The following CDK13 variants were observed in gnomAD, a reference collection of about 807,000 sequenced individuals.
CDK13 encodes cyclin-dependent kinase 13.
Under a neutral mutation model 137.6 loss-of-function variants are expected in CDK13, and 40 were observed. The observed-to-expected ratio is 0.29, with a 90% CI of 0.23 to 0.38. The LOEUF (loss-of-function observed/expected upper bound fraction) is 0.38, where lower values mean the gene tolerates loss of function less well. Ranked by LOEUF, CDK13 falls within the 10% of genes least tolerant of loss-of-function variation. CDK13 has a pLI of 1.00. For synonymous variants in CDK13, 869 were observed against 760.1 expected (o/e 1.14, Z -2.36); for missense variants, 1,704 against 1,951.8 (o/e 0.87, Z 2.39).
intron 9 of CDK13, chr7:40,067,764 A>G (rs1483922988): frequency 1.3e-5 from 2 of 151,960 alleles, no homozygotes; most frequent in African/African-American, 4.8e-5. Context: ...TGCCTGGCCA[A>G]CATGGTGAAC....
intron 11 of CDK13, among the ~76,000 whole-genome samples, chr7:40,083,865 TATA>T (rs1363022304): frequency 2.6e-5 from 4 of 151,714 alleles, no homozygotes; most frequent in Non-Finnish European, 5.9e-5. Context: ...TTATAAACAA[TATA>T]ATATAATATC....
At chr7:40,035,109 G>C (rs1301621966) in intron 5 of CDK13, among the ~76,000 whole-genome samples, 1 of 151,914 alleles carries the variant, frequency 6.6e-6, no homozygotes, top group Non-Finnish European at 1.5e-5. Flanking sequence ...TTTTTCTAAG[G>C]ATATGTATAT....
intron 5 of CDK13, among the ~76,000 whole-genome samples, chr7:40,014,058 C>CTTTTTTTTTTTTTT (rs927741062): frequency 6.6e-5 from 4 of 60,936 alleles, no homozygotes; most frequent in African/African-American, 2.2e-4. Flanking sequence ...GCTGTCTTGT[C>CTTTTTTTTTTTTTT]TTTTTTTTTT....
At chr7:39,959,349 C>T (rs777068142) in intron 1 of CDK13, among the ~76,000 whole-genome samples, 31 of 151,482 alleles carry the variant, frequency 2.0e-4, no homozygotes, top group Non-Finnish European at 3.7e-4. Flanking sequence ...TTAGTAGAGA[C>T]GAGGTTTTTC....
Position 39,993,365 on chromosome 7 carries a change from A to T in CDK13, c.1872-4129A>T, listed in dbSNP as rs532881615. 1.1e-4 allele frequency among the ~76,000 whole-genome samples: 16 copies of T among 152,162 alleles called. No homozygotes were observed. The South Asian group carries it at 3.3e-3, about 32-fold the overall frequency. ...TCTTTTTTACCCTCACATTGTCCGAAATTTGGCCAGTGGAAGCTCCTATAA... is the reference window on the plus strand; with the variant it reads ...TCTTTTTTACCCTCACATTGTCCGATATTTGGCCAGTGGAAGCTCCTATAA... On this transcript the variant is annotated intron_variant, in intron 2 of 13. Coordinates refer to ENST00000181839, the MANE Select transcript of CDK13 (RefSeq NM_003718.5).
intron 1 of CDK13, chr7:39,985,050 G>A (rs1784308042): frequency 6.6e-6 from 1 of 151,626 alleles, no homozygotes; most frequent in Admixed American, 6.6e-5. Context: ...TATTGTGCTA[G>A]CAAATAGTAG....
chr7:39,956,692 A>G (rs1252181768), intron 1 of CDK13, among the ~76,000 whole-genome samples: 1 of 151,996 alleles, frequency 6.6e-6, no homozygotes, highest in African/African-American at 2.4e-5. Flanking sequence ...GGCCCAGAGG[A>G]TCCTCCTGCT....
chr7:39,976,834 A>G (rs959178462), intron 1 of CDK13, among the ~76,000 whole-genome samples: 1 of 152,116 alleles, frequency 6.6e-6, no homozygotes, highest in East Asian at 1.9e-4. Context: ...GAAACCATGG[A>G]AAGTGAAATT....
rs1160316736 is a variant in CDK13 at position 39,995,261 on chromosome 7, C to A, written c.1872-2233C>A. Among the ~76,000 whole-genome samples the A allele has an allele frequency of 2.6e-5, 4 of 152,064 alleles. No homozygotes were observed. In the East Asian group the frequency reaches 7.7e-4, roughly 29 times the overall value. ...ACACTGGACATTTAATATAGATAGT[C>A]TTTTAAGTTTTAAATTATAAGTGAA... On this transcript the variant is annotated intron_variant, in intron 2 of 13. Coordinates refer to ENST00000181839, the MANE Select transcript of CDK13 (RefSeq NM_003718.5).
At chr7:39,980,668 G>C (rs1041631656) in intron 1 of CDK13, among the ~76,000 whole-genome samples, 12 of 152,202 alleles carry the variant, frequency 7.9e-5, no homozygotes, top group Non-Finnish European at 5.9e-5. Flanking sequence ...CTGTCATCCA[G>C]AAAGTTCCAT....
chr7:40,040,010 T>C (rs1785570724), intron 5 of CDK13, among the ~76,000 whole-genome samples: 1 of 123,870 alleles, frequency 8.1e-6, no homozygotes, highest in African/African-American at 2.7e-5. Context: ...ATTCATTTGC[T>C]TTTTTTTTTT....
intron 6 of CDK13, among the ~76,000 whole-genome samples, chr7:40,047,174 T>TA (rs1422412224): frequency 3.3e-5 from 5 of 152,152 alleles, no homozygotes; most frequent in Non-Finnish European, 5.9e-5. Context: ...TAGAAAATTT[T>TA]AAAAAAGCAG....
chr7:40,020,154 A>G (rs969548744), intron 5 of CDK13, among the ~76,000 whole-genome samples: 1 of 152,016 alleles, frequency 6.6e-6, no homozygotes, highest in Non-Finnish European at 1.5e-5. Flanking sequence ...TGCAACCTTC[A>G]GCTCCTGGGC....
intron 2 of CDK13, among the ~76,000 whole-genome samples, chr7:39,992,163 G>GGGGT (rs550297232): frequency 0.24 from 35,308 of 146,304 alleles, 4,794 homozygotes; most frequent in East Asian, 0.31. Flanking sequence ...AACTAATGAG[G>GGGGT]GTGTGTGTGT....
intron 2 of CDK13, among the ~76,000 whole-genome samples, chr7:39,992,163 G>GGGGGTGTGT (rs550297232): frequency 6.8e-6 from 1 of 146,310 alleles, no homozygotes; most frequent in Non-Finnish European, 1.5e-5. Flanking sequence ...AACTAATGAG[G>GGGGGTGTGT]GTGTGTGTGT....
intron 7 of CDK13, chr7:40,048,791 T>C (rs1040281405): frequency 7.9e-5 from 12 of 151,640 alleles, no homozygotes; most frequent in Admixed American, 5.9e-4. Context: ...TTTTGTTAAA[T>C]CTTGCAGCGC....
intron 7 of CDK13, among the ~76,000 whole-genome samples, chr7:40,055,702 C>T (rs1786004545): frequency 6.6e-6 from 1 of 151,358 alleles, no homozygotes; most frequent in African/African-American, 2.4e-5. Context: ...CCTCAGCCTT[C>T]TCAGCAGCTG....
rs3045302 is a variant in CDK13, at chr7:40,043,898, A to ATTT, written c.2354-1924_2354-1922dup. ...GGTGTTTATTAATGAATTTTGTATA[A>ATTT]TTTTTTTTTTTTTTTTGAGATGGAA... On this transcript the variant is annotated intron_variant, in intron 5 of 13. Coordinates refer to ENST00000181839, the MANE Select transcript of CDK13 (RefSeq NM_003718.5). Among the ~76,000 whole-genome samples, 929 of 137,724 alleles carry ATTT rather than the reference A, an allele frequency of 6.7e-3. 5 individuals carry two copies. Among genetic ancestry groups the ATTT allele is most frequent in the Middle Eastern group, 0.011 (3 of 264 alleles). 90.4% of individuals were successfully genotyped at this position (137,724 alleles called of 152,430 possible).
intron 12 of CDK13, among the ~76,000 whole-genome samples, chr7:40,089,735 T>A (rs919983136): frequency 7.8e-6 from 1 of 128,564 alleles, no homozygotes; most frequent in East Asian, 4.1e-4. Flanking sequence ...TGTGTGTGTG[T>A]GTGTGTGTGT....
Sources: allele counts gnomAD v4.1 joint callset (sites outside exome capture counted in the v4.1 genomes callset), GRCh38; gene constraint gnomAD v4.1.1; transcripts MANE v1.5; gene names NCBI Gene and HGNC (gene_info 2026-07-23, HGNC 2026-07-21).